CDC25C: variants seen among roughly 807,000 people sequenced by gnomAD.
CDC25C encodes the protein cell division cycle 25C, also known as M-phase inducer phosphatase 3.
In CDC25C, 48 loss-of-function variants were observed where a neutral mutation model predicts 52.5. The ratio of observed to expected loss-of-function variants is 0.91; its 90% confidence interval spans 0.72 to 1.16. CDC25C has a LOEUF of 1.16. CDC25C is among the 50% of genes most tolerant of loss of function. The pLI is 0.00. For missense variants in CDC25C, 510 were observed against 566.1 expected (o/e 0.90, Z 1.01); for synonymous variants, 187 against 206.5 (o/e 0.91, Z 0.81).
chr5:138,317,750 A>G (rs1020619244), intron 7 of CDC25C, among the ~76,000 whole-genome samples: 2 of 151,956 alleles, frequency 1.3e-5, no homozygotes, highest in African/African-American at 2.4e-5. Flanking sequence ...CTCAGAAACT[A>G]TCTTTGGCAT....
chr5:138,330,023 G>A (rs1292069126), intron 2 of CDC25C, among the ~76,000 whole-genome samples: 2 of 152,020 alleles, frequency 1.3e-5, no homozygotes, highest in African/African-American at 2.4e-5. Flanking sequence ...GAGCCACAAC[G>A]CCTGGCCAAG....
chr5:138,313,995 CTTTT>C (rs766176155), intron 7 of CDC25C, among the ~76,000 whole-genome samples: 1 of 112,676 alleles, frequency 8.9e-6, no homozygotes, highest in Non-Finnish European at 1.8e-5. Context: ...TTCTTTCTTT[CTTTT>C]TTTTTTTTTT....
intron 7 of CDC25C, among the ~76,000 whole-genome samples, chr5:138,296,356 CT>C (rs1475914590): frequency 6.6e-6 from 1 of 152,062 alleles, no homozygotes; most frequent in African/African-American, 2.4e-5. Context: ...CTGCCTCAGC[CT>C]CTCAAGTAGT....
intron 12 of CDC25C, 129 bp downstream of exon 12, chr5:138,286,368 A>C (rs1238465863): frequency 1.8e-6 from 2 of 1,087,260 alleles, no homozygotes; most frequent in African/African-American, 3.2e-5. Flanking sequence ...CAATTTTAGA[A>C]ACGTCTTCCT....
At chr5:138,313,379 C>CAAAA (rs774904685) in intron 7 of CDC25C, among the ~76,000 whole-genome samples, 65 of 36,250 alleles carry the variant, frequency 1.8e-3, no homozygotes, top group Middle Eastern at 0.013. Context: ...CTATATCTCA[C>CAAAA]AAAAAAAAAA....
Position 138,290,653 on chromosome 5 carries a change from C to T in CDC25C, c.850G>A (p.Gly284Ser). 1 of 1,597,538 alleles carries T rather than the reference C, an allele frequency of 6.3e-7. No homozygotes were observed. The highest frequency in any genetic ancestry group is 8.6e-7 in the Non-Finnish European group (1 of 1,165,068). ...EEDSNQGHLI[G>S]DFSKVCALPT... is the part of the protein sequence containing the mutation. ...GCCAAACTCACCTTGGAAAAATCAC[C>T]AATCAGGTGCCCCTGGTTAGAATCT... Residue 284 changes from glycine to serine, a missense_variant, in exon 9 of 14, where the codon GGT (glycine) becomes AGT (serine). Transcript: ENST00000323760.
intron 7 of CDC25C, among the ~76,000 whole-genome samples, chr5:138,298,894 T>C (rs1757413189): frequency 6.6e-6 from 1 of 151,164 alleles, no homozygotes; most frequent in Non-Finnish European, 1.5e-5. Flanking sequence ...AATTAGCAAA[T>C]TTATGAAAAT....
At chr5:138,286,923 G>A (rs1332739398) in intron 11 of CDC25C, among the ~76,000 whole-genome samples, 6 of 152,160 alleles carry the variant, frequency 3.9e-5, no homozygotes, top group Non-Finnish European at 7.3e-5. Flanking sequence ...TTGGATTAAT[G>A]TTTTTATTTC....
intron 11 of CDC25C, 26 bp from the exon 12 acceptor site, chr5:138,286,656 A>G (rs1756267599): frequency 2.5e-6 from 4 of 1,599,892 alleles, no homozygotes; most frequent in African/African-American, 2.7e-5. Flanking sequence ...TTTAGTAAGT[A>G]TTTCCTCAGG....
intron 7 of CDC25C, among the ~76,000 whole-genome samples, chr5:138,309,640 C>T (rs1444819242): frequency 6.6e-6 from 1 of 151,556 alleles, no homozygotes; most frequent in Non-Finnish European, 1.5e-5. Flanking sequence ...CTGCAATCAT[C>T]ATCTATTATT....
In CDC25C at chr5:138,291,808, G is replaced by A. The variant is rs549999927; in HGVS notation, c.762+162C>T. ...TATATATATATATATATTTCACGTG[G>A]ATACAGATGTAGAAAAGACAGAAAG... is the stretch of plus-strand genomic sequence containing the variant. On this transcript the variant is annotated intron_variant, in intron 8 of 13. Coordinates refer to ENST00000323760, the MANE Select transcript of CDC25C (RefSeq NM_001790.5). Among the ~76,000 whole-genome samples, 7 of 150,276 alleles carry A rather than the reference G, an allele frequency of 4.7e-5. 1 individual carries two copies. In the South Asian group the frequency reaches 6.3e-4, roughly 14 times the overall value.
At chr5:138,330,659 C>A (rs1760293418) in intron 2 of CDC25C, among the ~76,000 whole-genome samples, 1 of 152,200 alleles carries the variant, frequency 6.6e-6, no homozygotes, top group African/African-American at 2.4e-5. Context: ...AGGTGCACAC[C>A]ACCACACTCA....
At chr5:138,331,969 G>C, upstream of CDC25C, 2 of 915,280 alleles carry the variant, frequency 2.2e-6, no homozygotes, top group Non-Finnish European at 2.6e-6. Context: ...CTCTGGAAAT[G>C]GTAAGACTTG....
At chr5:138,307,700 G>C (rs1156232839) in intron 7 of CDC25C, among the ~76,000 whole-genome samples, 1 of 151,874 alleles carries the variant, frequency 6.6e-6, no homozygotes, top group African/African-American at 2.4e-5. Context: ...CCAAGACAGG[G>C]GGAACACTTG....
chr5:138,309,981 A>G (rs1758321269), intron 7 of CDC25C, among the ~76,000 whole-genome samples: 1 of 152,182 alleles, frequency 6.6e-6, no homozygotes. Context: ...TGTTAGGATT[A>G]CAGGCATGAG....
chr5:138,286,510 T>A lies in CDC25C; in HGVS notation c.1147A>T (p.Arg383Trp). Residue 383 changes from arginine to tryptophan, a missense_variant, in exon 12 of 14, where the codon AGG becomes TGG. By Grantham distance (101) the Arg-to-Trp change is moderately radical. Transcript: ENST00000323760. The part of the protein sequence containing the change: ...IVFHCEFSSE[R>W]GPRMCRCLRE... ...TTAGACACTCACATTCGGGGGCCCCTCTCTGAGGAGAATTCACAGTGGAAC... is the reference window on the plus strand; with the variant it reads ...TTAGACACTCACATTCGGGGGCCCCACTCTGAGGAGAATTCACAGTGGAAC... 6.2e-7 allele frequency: 1 copy of A among 1,612,264 alleles called. No homozygotes were observed. Among genetic ancestry groups the A allele is most frequent in the Non-Finnish European group, 8.5e-7 (1 of 1,179,278 alleles).
chr5:138,336,454 T>C (rs1235669214), upstream of CDC25C, among the ~76,000 whole-genome samples: 4 of 152,076 alleles, frequency 2.6e-5, no homozygotes, highest in Admixed American at 2.6e-4. Flanking sequence ...GAGGCCAAGA[T>C]GGGAAGATTG....
At chr5:138,290,523 G>A (rs930005924) in intron 9 of CDC25C, 116 bp downstream of exon 9, 57 of 670,724 alleles carry the variant, frequency 8.5e-5, no homozygotes, top group Non-Finnish European at 1.5e-4. Flanking sequence ...GCACTGTCAG[G>A]TTACCAAAGA....
chr5:138,328,468 T>C lies in CDC25C; in HGVS notation c.335+16A>G. On this transcript the variant is annotated intron_variant, in intron 4 of 13. Coordinates refer to ENST00000323760, the MANE Select transcript of CDC25C (RefSeq NM_001790.5). ...AAAAGGCTTTTGTGTGGGGTTCATT[T>C]AACAACAGAACTTACATCCCAGCTA... 5 of 1,612,968 alleles carry C rather than the reference T, an allele frequency of 3.1e-6. No individual in the cohort carries two copies. The highest frequency in any genetic ancestry group is 4.2e-6 in the Non-Finnish European group (5 of 1,179,002).
Sources: gnomAD v4.1 joint callset for allele counts (sites outside exome capture counted in the v4.1 genomes callset) on GRCh38, gnomAD v4.1.1 for gene constraint, MANE v1.5 for transcripts, NCBI Gene and HGNC (gene_info 2026-07-23, HGNC 2026-07-21) for gene names.